Variants in JAKMIP1 observed in about 807,000 individuals in gnomAD.
JAKMIP1 encodes janus kinase and microtubule interacting protein 1.
Under a neutral mutation model 113.0 loss-of-function variants are expected in JAKMIP1, and 33 were observed. That is an observed-to-expected ratio of 0.29 (90% CI 0.22 to 0.39). The LOEUF (loss-of-function observed/expected upper bound fraction) is 0.39. Among genes scored for constraint, JAKMIP1 ranks in the 10% least tolerant of loss-of-function variants. The pLI is 1.00. For missense variants in JAKMIP1, 813 were observed against 1,080.5 expected (o/e 0.75, Z 3.47); for synonymous variants, 480 against 459.9 (o/e 1.04, Z -0.56).
intron 1 of JAKMIP1, among the ~76,000 whole-genome samples, chr4:6,161,899 T>C (rs1172245349): frequency 6.6e-6 from 1 of 152,066 alleles, no homozygotes; most frequent in Non-Finnish European, 1.5e-5. Flanking sequence ...ACAAGATATG[T>C]TTGAAAGCTT....
rs1336641168 is a variant in JAKMIP1, at chr4:6,080,620, C to G, written c.1102-308G>C. Among the ~76,000 whole-genome samples, 1 of 152,158 alleles carries G rather than the reference C, an allele frequency of 6.6e-6. No individual in the cohort carries two copies. Among genetic ancestry groups the G allele is most frequent in the Non-Finnish European group, 1.5e-5 (1 of 68,044 alleles). On this transcript the variant is annotated intron_variant, in intron 6 of 20. Transcript: ENST00000409021. This position sits in a 1 kb window ranked among gnomAD's most constrained non-coding sequence, Gnocchi z 6.0. The stretch of plus-strand genomic sequence containing the variant: ...TTTTTATAAGGGTTTTCCCCTTTTA[C>G]TTGGCTCTCAGTCTGTCTTGTCTGC...
chr4:6,098,664 A>AAGAG (rs141010001), intron 3 of JAKMIP1, among the ~76,000 whole-genome samples: 2 of 126,192 alleles, frequency 1.6e-5, no homozygotes, highest in Non-Finnish European at 3.3e-5. Flanking sequence ...GAAAGGAAGA[A>AAGAG]AGAGAGAGAA....
Position 6,059,729 on chromosome 4 carries a change from C to T in JAKMIP1, c.1644+695G>A, listed in dbSNP as rs974086054. Among the ~76,000 whole-genome samples the T allele has an allele frequency of 1.3e-5, 2 of 152,110 alleles. No individual in the cohort carries two copies. The highest frequency in any genetic ancestry group is 4.8e-5 in the African/African-American group (2 of 41,422). On this transcript the variant is annotated intron_variant, in intron 11 of 20. Coordinates refer to ENST00000409021, the MANE Select transcript of JAKMIP1 (RefSeq NM_001099433.2). This position sits in a 1 kb window ranked among gnomAD's most constrained non-coding sequence, Gnocchi z 4.8. The stretch of plus-strand genomic sequence containing the variant: ...AAACAGGAGTGTGAACAGAATACAC[C>T]TTGTCACATGGAGCCAGGGAGACGT...
intron 2 of JAKMIP1, among the ~76,000 whole-genome samples, chr4:6,109,826 G>A (rs1015668963): frequency 6.6e-6 from 1 of 152,164 alleles, no homozygotes; most frequent in Non-Finnish European, 1.5e-5. Context: ...CAATGCAATT[G>A]TAAAGTTTGC....
intron 3 of JAKMIP1, among the ~76,000 whole-genome samples, chr4:6,101,525 T>C (rs997286987): frequency 2.0e-5 from 3 of 152,146 alleles, no homozygotes; most frequent in Non-Finnish European, 4.4e-5. Context: ...TTCTTCAAGA[T>C]TGTGATTCCA....
chr4:6,096,271 G>A (rs73073476), intron 3 of JAKMIP1, among the ~76,000 whole-genome samples: 1,676 of 152,268 alleles, frequency 0.011, 38 homozygotes, highest in African/African-American at 0.037. Context: ...TTTCATGACC[G>A]GTGAGGTTAA....
chr4:6,090,412 T>C (rs536941971), intron 3 of JAKMIP1, among the ~76,000 whole-genome samples: 1 of 152,250 alleles, frequency 6.6e-6, no homozygotes, highest in African/African-American at 2.4e-5. Flanking sequence ...GCCCAGCTGA[T>C]ATCTTGATTT....
In JAKMIP1 at chr4:6,056,687, G is replaced by T. The variant is rs199746593; in HGVS notation, c.1707+10C>A. ...GCGGCTGTGTGCTTCCCTGAGGTGGGGTCACGCACCTTTTCCAGCAAGTCT... is the reference window on the plus strand; with the variant it reads ...GCGGCTGTGTGCTTCCCTGAGGTGGTGTCACGCACCTTTTCCAGCAAGTCT... On this transcript the variant is annotated intron_variant, in intron 12 of 20. Coordinates refer to ENST00000409021, the MANE Select transcript of JAKMIP1 (RefSeq NM_001099433.2). 9.0e-5 allele frequency: 145 copies of T among 1,610,068 alleles called. No individual in the cohort carries two copies. In the East Asian group the frequency reaches 3.1e-3, roughly 34 times the overall value.
Position 6,167,298 on chromosome 4 carries a change from C to A in JAKMIP1, c.-148+32955G>T. 6.6e-6 allele frequency among the ~76,000 whole-genome samples: 1 copy of A among 152,072 alleles called. No individual in the cohort carries two copies. Among genetic ancestry groups the A allele is most frequent in the East Asian group, 1.9e-4 (1 of 5,144 alleles). On this transcript the variant is annotated intron_variant, in intron 1 of 20. Transcript: ENST00000409021. This position sits in a 1 kb window ranked among gnomAD's most constrained non-coding sequence, Gnocchi z 5.3. ...CCATCAGAGCTGGGACTTCATCTTT[C>A]ATGTGGCTCCTCCTCCCCCTGACAG...
intron 17 of JAKMIP1, among the ~76,000 whole-genome samples, chr4:6,041,638 A>G (rs1714326079): frequency 1.3e-5 from 2 of 152,194 alleles, no homozygotes; most frequent in Admixed American, 1.3e-4. Context: ...CTGGTTATGT[A>G]TGTAGCATTT....
chr4:6,048,770 G>A lies in JAKMIP1; in HGVS notation c.2028+87C>T, dbSNP rs531929590. 5.1e-5 allele frequency: 58 copies of A among 1,133,622 alleles called. No individual in the cohort carries two copies. The African/African-American group carries it at 7.2e-4, about 14-fold the overall frequency. The allele number at this position is 1,133,622 out of a possible 1,614,324, so 70.2% of individuals were successfully genotyped here. ...GACGGACTGGAACGCATGCTCCCAC[G>A]CAAAGCAAGACGCCAATGTACAGTT... On this transcript the variant is annotated intron_variant, in intron 16 of 20. Transcript: ENST00000409021.
chr4:6,156,010 T>G lies in JAKMIP1; in HGVS notation c.-147-43013A>C, dbSNP rs909423169. Among the ~76,000 whole-genome samples, 1 of 152,236 alleles carries G rather than the reference T, an allele frequency of 6.6e-6. No individual in the cohort carries two copies. The highest frequency in any genetic ancestry group is 2.4e-5 in the African/African-American group (1 of 41,460). Reference sequence around the variant, plus strand: ...CTTCTGTCCGTGGTGGGTTCCTCAGTGCGTAGAACAGTGCCCAGCACAATA... The same window carrying G: ...CTTCTGTCCGTGGTGGGTTCCTCAGGGCGTAGAACAGTGCCCAGCACAATA... On this transcript the variant is annotated intron_variant, in intron 1 of 20. Transcript: ENST00000409021. The surrounding 1 kb of genome is among the most constrained non-coding windows in gnomAD (Gnocchi z 5.0).
chr4:6,149,478 T>C (rs7675297), intron 1 of JAKMIP1, among the ~76,000 whole-genome samples: 10,176 of 152,110 alleles, frequency 0.067, 1,171 homozygotes, highest in African/African-American at 0.23. Flanking sequence ...AGGGATGTGG[T>C]CCGAGACCAG....
At chr4:6,052,008 G>C (rs1425959975) in intron 13 of JAKMIP1, among the ~76,000 whole-genome samples, 2 of 152,074 alleles carry the variant, frequency 1.3e-5, no homozygotes, top group Non-Finnish European at 2.9e-5. Context: ...TGGGCTTCTT[G>C]AATAATTCTA....
rs535251146 is a variant in JAKMIP1, at chr4:6,082,305, CT to C, written c.955-551del. 2.8e-3 allele frequency among the ~76,000 whole-genome samples: 432 copies of C among 152,110 alleles called. 3 individuals are homozygous for C. Among genetic ancestry groups the C allele is most frequent in the African/African-American group, 9.9e-3 (411 of 41,510 alleles). ...GCTGTAAATGTTAAGGTAAAATATT[CT>C]GATGGTATAGGTTGAAATATAAAAT... On this transcript the variant is annotated intron_variant, in intron 5 of 20. Transcript: ENST00000409021.
intron 13 of JAKMIP1, among the ~76,000 whole-genome samples, chr4:6,053,034 T>A (rs1715869941): frequency 6.6e-6 from 1 of 152,170 alleles, no homozygotes; most frequent in African/African-American, 2.4e-5. Context: ...ACTGTGAAGG[T>A]GCTCACTTTG....
In JAKMIP1 at chr4:6,162,252, G is replaced by T. The variant is rs1723062853; in HGVS notation, c.-148+38001C>A. 6.6e-6 allele frequency among the ~76,000 whole-genome samples: 1 copy of T among 152,194 alleles called. No homozygotes were observed. Among genetic ancestry groups the T allele is most frequent in the Admixed American group, 6.5e-5 (1 of 15,286 alleles). The stretch of plus-strand genomic sequence containing the variant: ...TTATGAGGAATGGGACCTCTCAGCT[G>T]CTGGAAGGCCTACCTAGGTGGTGAC... On this transcript the variant is annotated intron_variant, in intron 1 of 20. Transcript: ENST00000409021. This position sits in a 1 kb window ranked among gnomAD's most constrained non-coding sequence, Gnocchi z 5.6.
At chr4:6,195,327 T>A (rs1224627744) in intron 1 of JAKMIP1, among the ~76,000 whole-genome samples, 2 of 152,228 alleles carry the variant, frequency 1.3e-5, no homozygotes, top group African/African-American at 4.8e-5. Context: ...AGGTGGATGG[T>A]AGCGCTCGTT....
chr4:6,047,428 G>C (rs1413015607), intron 16 of JAKMIP1, among the ~76,000 whole-genome samples: 1 of 152,234 alleles, frequency 6.6e-6, no homozygotes, highest in East Asian at 1.9e-4. Context: ...GGAAGGTGCT[G>C]AATATGCCCC....
Sources: gnomAD v4.1 joint callset for allele counts (sites outside exome capture counted in the v4.1 genomes callset) on GRCh38, gnomAD v4.1.1 for gene constraint, Gnocchi (gnomAD v3.1) non-coding constraint, MANE v1.5 for transcripts, NCBI Gene and HGNC (gene_info 2026-07-23, HGNC 2026-07-21) for gene names.